Variants in PXYLP1 observed in about 807,000 individuals in gnomAD.
The protein encoded by PXYLP1 is acid phosphatase-like 2.
A neutral mutation model predicts 37.9 loss-of-function variants in PXYLP1; 17 were observed. That is an observed-to-expected ratio of 0.45 (90% confidence interval 0.31 to 0.67). PXYLP1 has a LOEUF of 0.67. PXYLP1 is among the 30% of genes least tolerant of loss of function. The pLI is 0.07. For missense variants in PXYLP1, 511 were observed against 612.0 expected (o/e 0.84, Z 1.74); for synonymous variants, 221 against 232.2 (o/e 0.95, Z 0.44).
At position 141,292,634 on chromosome 3, in the gene PXYLP1, C is replaced by T. The variant is rs1297899461; in HGVS notation, c.872C>T (p.Ala291Val). The T allele has an allele frequency of 1.9e-6, 3 of 1,613,546 alleles. No individual in the cohort carries two copies. The African/African-American group carries it at 4.0e-5, about 22-fold the overall frequency. Residue 291 changes from alanine to valine, a missense_variant, in exon 6 of 6, where the codon GCT becomes GTT. Physicochemically the swap from Ala to Val is moderately conservative, Grantham distance 64 (BLOSUM62 0). Coordinates refer to ENST00000286353, the MANE Select transcript of PXYLP1 (RefSeq NM_001037172.3). This position sits in a 1 kb window ranked among gnomAD's most constrained non-coding sequence, Gnocchi z 4.3. ...GATGTCCCCACCAAGCAGCTTAGAG[C>T]TGCCAACCCCATAGACTCCATGCTC... ...IVDVPTKQLRAANPIDSMLCH... is the reference protein window; with the variant it reads ...IVDVPTKQLRVANPIDSMLCH...
At chr3:141,257,526 A>G (rs1279950578) in intron 1 of PXYLP1, among the ~76,000 whole-genome samples, 1 of 152,242 alleles carries the variant, frequency 6.6e-6, no homozygotes, top group Non-Finnish European at 1.5e-5. Flanking sequence ...TTACCATGCT[A>G]TAAAACTGAG....
chr3:141,232,934 T>C (rs1380869998), intron 1 of PXYLP1, among the ~76,000 whole-genome samples: 1 of 145,784 alleles, frequency 6.9e-6, no homozygotes, highest in African/African-American at 2.6e-5. Flanking sequence ...TCAGGAGAGA[T>C]GGGGAATCAG....
intron 1 of PXYLP1, among the ~76,000 whole-genome samples, chr3:141,252,491 G>GAT (rs1941163296): frequency 6.6e-6 from 1 of 152,150 alleles, no homozygotes; most frequent in Admixed American, 6.5e-5. Flanking sequence ...GCAAGAGAGA[G>GAT]AAAGAGGAGG....
chr3:141,266,433 C>T (rs761059483), intron 2 of PXYLP1, among the ~76,000 whole-genome samples: 1 of 152,008 alleles, frequency 6.6e-6, no homozygotes, highest in Non-Finnish European at 1.5e-5. Context: ...GAATTTGTGC[C>T]CTGCGGTGCA....
intron 2 of PXYLP1, among the ~76,000 whole-genome samples, chr3:141,269,285 C>A (rs531030180): frequency 6.6e-6 from 1 of 152,196 alleles, no homozygotes; most frequent in Non-Finnish European, 1.5e-5. Flanking sequence ...AGTGACCATC[C>A]GTCACCATTC....
intron 5 of PXYLP1, among the ~76,000 whole-genome samples, chr3:141,288,818 C>G (rs1247245759): frequency 2.4e-4 from 37 of 152,168 alleles, no homozygotes; most frequent in Admixed American, 2.4e-3. Context: ...ACCACTTGAG[C>G]CCGGGAGGTC....
chr3:141,285,737 G>A (rs778051254), intron 4 of PXYLP1, among the ~76,000 whole-genome samples: 2 of 152,250 alleles, frequency 1.3e-5, no homozygotes, highest in African/African-American at 2.4e-5. Context: ...TTGATGGATA[G>A]CCTTTGTTTA....
intron 5 of PXYLP1, among the ~76,000 whole-genome samples, chr3:141,290,403 T>C (rs765448942): frequency 3.9e-5 from 6 of 151,948 alleles, no homozygotes; most frequent in Non-Finnish European, 7.4e-5. Flanking sequence ...ATGTGTAGAG[T>C]GCCTAGTGCA....
At chr3:141,257,927 GA>G (rs1941301331) in intron 1 of PXYLP1, among the ~76,000 whole-genome samples, 1 of 72,406 alleles carries the variant, frequency 1.4e-5, no homozygotes, top group African/African-American at 4.6e-5. Context: ...AAAAAAAAAA[GA>G]GAGAGAGAGA....
chr3:141,282,565 T>A (rs1576604044), intron 4 of PXYLP1, among the ~76,000 whole-genome samples: 1 of 152,070 alleles, frequency 6.6e-6, no homozygotes, highest in South Asian at 2.1e-4. Context: ...ATAACCTCCC[T>A]AAGGGCAGAG....
At chr3:141,277,228 G>T (rs1194575838) in intron 2 of PXYLP1, among the ~76,000 whole-genome samples, 2 of 152,188 alleles carry the variant, frequency 1.3e-5, no homozygotes, top group African/African-American at 4.8e-5. Flanking sequence ...ATTGATTTAG[G>T]CTGGTGGTTG....
In PXYLP1 at chr3:141,292,846, C is replaced by T. The variant is rs781234692; in HGVS notation, c.1084C>T (p.Arg362Cys). 35 of 1,613,916 alleles carry T rather than the reference C, an allele frequency of 2.2e-5. 1 individual carries two copies. The South Asian group carries it at 2.6e-4, about 12-fold the overall frequency. Residue 362 changes from arginine to cysteine, a missense_variant, in exon 6 of 6, where the codon CGT (arginine) becomes TGT (cysteine). Physicochemically the swap from Arg to Cys is radical, Grantham distance 180. Transcript: ENST00000286353. The surrounding 1 kb of genome is among the most constrained non-coding windows in gnomAD (Gnocchi z 4.3). ...GAACCAAACCATCGGCCGGATGCAGCGTGCCACCGAGGGCAGGAAAGAAGA... is the reference window on the plus strand; with the variant it reads ...GAACCAAACCATCGGCCGGATGCAGTGTGCCACCGAGGGCAGGAAAGAAGA... ...ILNQTIGRMQ[R>C]ATEGRKEELF...
chr3:141,293,304 C>A lies in PXYLP1; in HGVS notation c.*99C>A. On this transcript the variant is annotated 3_prime_UTR_variant, in exon 6 of 6. Coordinates refer to ENST00000286353, the MANE Select transcript of PXYLP1 (RefSeq NM_001037172.3). Reference sequence around the variant, plus strand: ...TGTTACTAAGGGTAGAAGATTATTGCTTTTTAAAGGCTAAATATTGTTTGT... The same window carrying A: ...TGTTACTAAGGGTAGAAGATTATTGATTTTTAAAGGCTAAATATTGTTTGT... 8.2e-7 allele frequency: 1 copy of A among 1,226,362 alleles called. No individual in the cohort carries two copies. Among genetic ancestry groups the A allele is most frequent in the East Asian group, 2.5e-5 (1 of 40,168 alleles). The allele number at this position is 1,226,362 out of a possible 1,614,324, so 76.0% of individuals were successfully genotyped here.
chr3:141,250,687 C>T (rs902157135), intron 1 of PXYLP1, among the ~76,000 whole-genome samples: 1 of 152,196 alleles, frequency 6.6e-6, no homozygotes, highest in African/African-American at 2.4e-5. Context: ...GGCTGTGATG[C>T]CTGGCAGTGT....
At chr3:141,264,454 T>C (rs1941462436) in intron 2 of PXYLP1, among the ~76,000 whole-genome samples, 1 of 152,212 alleles carries the variant, frequency 6.6e-6, no homozygotes, top group South Asian at 2.1e-4. Flanking sequence ...ACTCTAGGTT[T>C]TATGAATTTT....
At chr3:141,278,645 C>T (rs1214585372) in intron 3 of PXYLP1, 145 bp downstream of exon 3, 2 of 1,040,170 alleles carry the variant, frequency 1.9e-6, no homozygotes, top group African/African-American at 1.6e-5. Context: ...TTCCTGGGTC[C>T]TTGCATTCTC....
intron 1 of PXYLP1, among the ~76,000 whole-genome samples, chr3:141,236,999 TATAA>T (rs776565857): frequency 2.0e-5 from 3 of 152,174 alleles, no homozygotes; most frequent in Admixed American, 2.0e-4. Context: ...TACCTTACTA[TATAA>T]AAAAGCAACT....
chr3:141,278,638 C>T, intron 3 of PXYLP1, 138 bp downstream of exon 3: 1 of 1,115,370 alleles, frequency 9.0e-7, no homozygotes, highest in Non-Finnish European at 1.3e-6. Context: ...GAATGAGTTC[C>T]TGGGTCCTTG....
Position 141,293,194 on chromosome 3 carries a change from G to C in PXYLP1, c.1432G>C (p.Glu478Gln). Reference protein sequence around the residue: ...GTNYYDACHREGF With the variant: ...GTNYYDACHRQGF The stretch of plus-strand genomic sequence containing the variant: ...AAATTATTATGATGCATGTCACAGG[G>C]AAGGATTCTAAAAGGTATGCAGTAC... The change falls in exon 6 of 6, where the codon GAA becomes CAA. Residue 478 changes from glutamate to glutamine, a missense_variant. Physicochemically the swap from Glu to Gln is conservative, Grantham distance 29 (BLOSUM62 2). Coordinates refer to ENST00000286353, the MANE Select transcript of PXYLP1 (RefSeq NM_001037172.3). 4 of 1,613,128 alleles carry C rather than the reference G, an allele frequency of 2.5e-6. No individual in the cohort carries two copies. Among genetic ancestry groups the C allele is most frequent in the Non-Finnish European group, 3.4e-6 (4 of 1,179,600 alleles).
Sources: allele counts gnomAD v4.1 joint callset (sites outside exome capture counted in the v4.1 genomes callset), GRCh38; gene constraint gnomAD v4.1.1; non-coding constraint Gnocchi (gnomAD v3.1); transcripts MANE v1.5; gene names NCBI Gene and HGNC (gene_info 2026-07-23, HGNC 2026-07-21).